ZNF454: variants seen among roughly 807,000 people sequenced by gnomAD.
ZNF454 encodes the protein zinc finger protein 454.
ZNF454 carries 30 observed loss-of-function variants against 48.2 expected under a neutral mutation model. That is an observed-to-expected ratio of 0.62 (90% confidence interval 0.47 to 0.84). The LOEUF is 0.84. Among genes scored for constraint, ZNF454 ranks in the 40% least tolerant of loss-of-function variants. The probability of loss-of-function intolerance (pLI) is 0.00; values close to 1 mark genes in which losing one functional copy is unlikely to be tolerated. For synonymous variants in ZNF454, 204 were observed against 211.4 expected (o/e 0.97, Z 0.30); for missense variants, 510 against 623.1 (o/e 0.82, Z 1.93).
chr5:178,977,206 T>C, the ZNF454 span, among the ~76,000 whole-genome samples: 1 of 152,164 alleles, frequency 6.6e-6, no homozygotes, highest in Non-Finnish European at 1.5e-5. Context: ...TTCATGTTGC[T>C]CCAAAATGCA....
the ZNF454 span, chr5:178,983,012 G>C: frequency 6.2e-7 from 1 of 1,614,028 alleles, no homozygotes; most frequent in African/African-American, 1.3e-5. Context: ...CCTCGTTGAA[G>C]GTCTCGGGCA....
chr5:178,968,105 T>TCACACACACACACACA (rs3031585), downstream of ZNF454, among the ~76,000 whole-genome samples: 746 of 145,070 alleles, frequency 5.1e-3, 2 homozygotes, highest in East Asian at 0.032. Flanking sequence ...CATCTGTGCA[T>TCACACACACACACACA]CACACACACA....
At chr5:178,985,311 T>G in the ZNF454 span, 8 of 454,310 alleles carry the variant, frequency 1.8e-5, no homozygotes, top group African/African-American at 1.4e-4. Context: ...CCCACCTGAC[T>G]GCCCCGTTTT....
chr5:178,944,526 G>A lies in ZNF454; in HGVS notation c.33+1702G>A, dbSNP rs1759236810. ...AATGGGCCCTGACAAATTGGTTCATGGCTTCCATCCAAGTGTTTCTTGACT... is the reference window on the plus strand; with the variant it reads ...AATGGGCCCTGACAAATTGGTTCATAGCTTCCATCCAAGTGTTTCTTGACT... On this transcript the variant is annotated intron_variant, in intron 2 of 4. Coordinates refer to ENST00000519564, the MANE Select transcript of ZNF454 (RefSeq NM_001178089.3). The surrounding 1 kb of genome is among the most constrained non-coding windows in gnomAD (Gnocchi z 4.1). Among the ~76,000 whole-genome samples, 1 of 152,204 alleles carries A rather than the reference G, an allele frequency of 6.6e-6. No homozygotes were observed. The highest frequency in any genetic ancestry group is 1.5e-5 in the Non-Finnish European group (1 of 68,034).
chr5:178,982,994 G>A, the ZNF454 span: 52 of 1,613,972 alleles, frequency 3.2e-5, no homozygotes, highest in South Asian at 1.4e-4. Flanking sequence ...TGAAGCCGAT[G>A]GGCTTGGCCT....
chr5:178,989,510 A>G, the ZNF454 span: 2 of 1,433,052 alleles, frequency 1.4e-6, no homozygotes, highest in Non-Finnish European at 2.0e-6. Flanking sequence ...TGGCCAGGTG[A>G]GCTAGGAGTG....
At chr5:178,970,484 T>TG (rs1760221098), downstream of ZNF454, among the ~76,000 whole-genome samples, 2 of 152,350 alleles carry the variant, frequency 1.3e-5, no homozygotes, top group East Asian at 3.9e-4. Context: ...GTGCCAGCAC[T>TG]GGGTGGTACT....
chr5:178,979,615 C>T, the ZNF454 span: 1 of 152,238 alleles, frequency 6.6e-6, no homozygotes, highest in South Asian at 2.1e-4. Flanking sequence ...GGGAGAAATC[C>T]TCAGTGCAAT....
chr5:178,984,935 T>G, the ZNF454 span, among the ~76,000 whole-genome samples: 1 of 152,172 alleles, frequency 6.6e-6, no homozygotes, highest in African/African-American at 2.4e-5. Flanking sequence ...CCAAGCCATC[T>G]GTCTCTCGTA....
the ZNF454 span, among the ~76,000 whole-genome samples, chr5:178,971,872 C>T: frequency 1.3e-5 from 2 of 150,384 alleles, no homozygotes; most frequent in Non-Finnish European, 3.0e-5. Flanking sequence ...AGAAGAAGAA[C>T]TGGCCAGCCC....
rs555407472 is a variant in ZNF454, at chr5:178,952,241, T to G, written c.250+5255T>G. Among the ~76,000 whole-genome samples the G allele has an allele frequency of 3.9e-5, 6 of 152,092 alleles. No individual in the cohort carries two copies. In the South Asian group the frequency reaches 8.3e-4, roughly 21 times the overall value. On this transcript the variant is annotated intron_variant, in intron 4 of 4. Transcript: ENST00000519564. ...TTTAGTAGAGACGGGGTTTCACCGT[T>G]TTAGCCGGGATGGTCTCGATCTCCT...
At chr5:178,947,380 G>A (rs1029926385) in intron 4 of ZNF454, among the ~76,000 whole-genome samples, 1 of 152,242 alleles carries the variant, frequency 6.6e-6, no homozygotes, top group Non-Finnish European at 1.5e-5. Context: ...TTAAGAGCCA[G>A]TTATCATGTG....
chr5:178,956,962 C>G, intron 4 of ZNF454: 1 of 240,762 alleles, frequency 4.2e-6, no homozygotes, highest in South Asian at 4.1e-5. Context: ...CGGCTCACTG[C>G]AAGCTCCGCC....
rs753415402 is a variant in ZNF454, at chr5:178,946,199, G to A, written c.34-160G>A. 4.9e-4 allele frequency among the ~76,000 whole-genome samples: 74 copies of A among 152,130 alleles called. No homozygotes were observed. The highest frequency in any genetic ancestry group is 9.4e-4 in the Non-Finnish European group (64 of 67,998). On this transcript the variant is annotated intron_variant, in intron 2 of 4. Coordinates refer to ENST00000519564, the MANE Select transcript of ZNF454 (RefSeq NM_001178089.3). This position sits in a 1 kb window ranked among gnomAD's most constrained non-coding sequence, Gnocchi z 4.5. ...TGTCTAGTCCAAGGCTAGGCCCCTA[G>A]GAGACCCTGAAGAGTGATGAACTTG... is the stretch of plus-strand genomic sequence containing the variant.
intron 4 of ZNF454, among the ~76,000 whole-genome samples, chr5:178,963,779 T>A (rs146652232): frequency 6.6e-6 from 1 of 151,728 alleles, no homozygotes; most frequent in Non-Finnish European, 1.5e-5. Context: ...GAGGTCCTTA[T>A]TTTTTTAGTA....
intron 4 of ZNF454, among the ~76,000 whole-genome samples, chr5:178,964,450 C>T (rs1446514512): frequency 6.6e-6 from 1 of 152,150 alleles, no homozygotes; most frequent in Non-Finnish European, 1.5e-5. Flanking sequence ...TGCTTCCAAG[C>T]TCTCCTGCCT....
chr5:178,947,253 C>T (rs1385566345), intron 4 of ZNF454, among the ~76,000 whole-genome samples: 1 of 152,196 alleles, frequency 6.6e-6, no homozygotes, highest in Non-Finnish European at 1.5e-5. Flanking sequence ...AAAGACTCAA[C>T]TTCATCTGGG....
At chr5:178,984,106 T>A in the ZNF454 span, among the ~76,000 whole-genome samples, 1 of 151,934 alleles carries the variant, frequency 6.6e-6, no homozygotes, top group South Asian at 2.1e-4. Context: ...AATAAGTGGA[T>A]CACGAGGTCA....
chr5:178,966,884 C>G (rs1760171580), downstream of ZNF454, among the ~76,000 whole-genome samples: 1 of 152,164 alleles, frequency 6.6e-6, no homozygotes, highest in Non-Finnish European at 1.5e-5. Flanking sequence ...TGAGACGATT[C>G]ATTTGCCCCA....
Sources: gnomAD v4.1 joint callset for allele counts (sites outside exome capture counted in the v4.1 genomes callset) on GRCh38, gnomAD v4.1.1 for gene constraint, Gnocchi (gnomAD v3.1) non-coding constraint, MANE v1.5 for transcripts, NCBI Gene and HGNC (gene_info 2026-07-23, HGNC 2026-07-21) for gene names.